Variants in MRNIP observed in about 807,000 individuals in gnomAD.
The protein encoded by MRNIP is MRN complex interacting protein.
A neutral mutation model predicts 29.8 loss-of-function variants in MRNIP; 30 were observed. The ratio of observed to expected loss-of-function variants is 1.01; its 90% CI spans 0.75 to 1.36. The LOEUF (loss-of-function observed/expected upper bound fraction) is 1.36, where lower values mean the gene tolerates loss of function less well. Ranked by LOEUF, MRNIP falls within the 40% of genes most tolerant of loss-of-function variation. The probability of loss-of-function intolerance (pLI) is 0.00; values close to 1 mark genes in which losing one functional copy is unlikely to be tolerated. For missense variants in MRNIP, 459 were observed against 423.5 expected, an observed-to-expected ratio of 1.08 and a Z score of -0.74; for synonymous variants, 201 against 164.1, an observed-to-expected ratio of 1.23 and a Z score of -1.72.
At position 179,858,147 on chromosome 5, in the gene MRNIP, C is replaced by T. The variant is rs1338376920; in HGVS notation, c.66+584G>A. 3.9e-5 allele frequency among the ~76,000 whole-genome samples: 6 copies of T among 152,186 alleles called. No homozygotes were observed. In the South Asian group the frequency reaches 8.3e-4, roughly 21 times the overall value. On this transcript the variant is annotated intron_variant, in intron 1 of 6. Transcript: ENST00000292586. ...TGTTAAGTGATATCAAGCAGGGAGA[C>T]AGGTGCGATCCGGAAAAGGTTAAGT...
Position 179,853,079 on chromosome 5 carries a change from C to T in MRNIP, c.126+299G>A, listed in dbSNP as rs1188469204. The T allele has an allele frequency of 1.1e-5, 6 of 569,886 alleles. No individual in the cohort carries two copies. In the Admixed American group the frequency reaches 1.5e-4, roughly 14 times the overall value. 35.3% of individuals were successfully genotyped at this position (569,886 alleles called of 1,614,324 possible). On this transcript the variant is annotated intron_variant, in intron 2 of 6. Coordinates refer to ENST00000292586, the MANE Select transcript of MRNIP (RefSeq NM_016175.4). ...CATTAGTTTCTCTTCCCCTTCCACA[C>T]AAGTGCATCTGTGAGGGCAAGAATG... is the stretch of plus-strand genomic sequence containing the variant.
intron 1 of MRNIP, among the ~76,000 whole-genome samples, chr5:179,855,254 C>T (rs1759526710): frequency 6.6e-6 from 1 of 152,142 alleles, no homozygotes; most frequent in Admixed American, 6.6e-5. Context: ...AAGAGATTCT[C>T]CTGCCTCAGT....
intron 1 of MRNIP, among the ~76,000 whole-genome samples, chr5:179,855,482 A>C (rs1229187755): frequency 1.3e-5 from 2 of 152,216 alleles, no homozygotes; most frequent in African/African-American, 2.4e-5. Context: ...ATGAGAAGCC[A>C]CTAAAACCAG....
intron 1 of MRNIP, among the ~76,000 whole-genome samples, chr5:179,854,109 C>T (rs1014753318): frequency 6.6e-6 from 1 of 151,280 alleles, no homozygotes; most frequent in Non-Finnish European, 1.5e-5. Context: ...CAAGCTCCCC[C>T]TCCCGGGTTC....
At chr5:179,857,770 T>C (rs1759656178) in intron 1 of MRNIP, among the ~76,000 whole-genome samples, 1 of 152,116 alleles carries the variant, frequency 6.6e-6, no homozygotes, top group African/African-American at 2.4e-5. Context: ...CCCAGCACTT[T>C]GGGAGGCCGA....
chr5:179,854,960 A>G (rs934502145), intron 1 of MRNIP, among the ~76,000 whole-genome samples: 1 of 152,012 alleles, frequency 6.6e-6, no homozygotes, highest in Non-Finnish European at 1.5e-5. Flanking sequence ...ATTATTTACC[A>G]TTTTTTTCTG....
intron 3 of MRNIP, chr5:179,847,755 A>C (rs1759194120): frequency 2.1e-6 from 1 of 480,766 alleles, no homozygotes; most frequent in Non-Finnish European, 3.7e-6. Flanking sequence ...ACAGGTAATC[A>C]GGTGAGAATC....
intron 1 of MRNIP, among the ~76,000 whole-genome samples, chr5:179,855,685 A>T (rs1222773127): frequency 6.6e-6 from 1 of 152,180 alleles, no homozygotes; most frequent in African/African-American, 2.4e-5. Context: ...CACCACAAAG[A>T]TGTCTAGGTT....
intron 1 of MRNIP, among the ~76,000 whole-genome samples, chr5:179,854,050 T>C (rs1055671050): frequency 7.3e-5 from 10 of 136,588 alleles, no homozygotes; most frequent in Non-Finnish European, 1.2e-4. Flanking sequence ...AGACAGAGTC[T>C]GGCTCTGCTG....
intron 3 of MRNIP, among the ~76,000 whole-genome samples, chr5:179,846,352 C>G (rs953459333): frequency 6.6e-6 from 1 of 151,640 alleles, no homozygotes; most frequent in Admixed American, 6.6e-5. Context: ...GGCACCACCT[C>G]GGAACACTGC....
At chr5:179,838,480 A>T (rs1758719315) in intron 6 of MRNIP, 1 of 155,860 alleles carries the variant, frequency 6.4e-6, no homozygotes, top group African/African-American at 2.4e-5. Context: ...GTTCGAGATC[A>T]ACCTGGCCAA....
In MRNIP at chr5:179,837,493, G is replaced by T; in HGVS notation, c.930C>A (p.Pro310=). 1 of 1,614,140 alleles carries T rather than the reference G, an allele frequency of 6.2e-7. No homozygotes were observed. Among genetic ancestry groups the T allele is most frequent in the South Asian group, 1.1e-5 (1 of 91,088 alleles). The change falls in exon 7 of 7, where the codon CCC becomes CCA. Residue 310 remains proline, a synonymous_variant. Coordinates refer to ENST00000292586, the MANE Select transcript of MRNIP (RefSeq NM_016175.4). The part of the protein sequence containing the change: ...CGKTSWDART[P]WAEGGPLVLE... ...GGACCAGGGGCCCACCCTCTGCCCAGGGAGTCCTTGCGTCCCATGAGGTCT... is the reference window on the plus strand; with the variant it reads ...GGACCAGGGGCCCACCCTCTGCCCATGGAGTCCTTGCGTCCCATGAGGTCT...
chr5:179,837,567 G>A lies in MRNIP; in HGVS notation c.856C>T (p.Pro286Ser), dbSNP rs777834009. The A allele has an allele frequency of 6.0e-5, 97 of 1,614,108 alleles. No homozygotes were observed. Among genetic ancestry groups the A allele is most frequent in the Non-Finnish European group, 7.9e-5 (93 of 1,180,016 alleles). Residue 286 changes from proline to serine, a missense_variant, in exon 7 of 7, where the codon CCT (proline) becomes TCT (serine). Physicochemically the swap from Pro to Ser is moderately conservative, Grantham distance 74 (BLOSUM62 -1). Transcript: ENST00000292586. ...GATGTGACGGGGTGTGTGGCCCGAG[G>A]AAGCTGGACAGCGGCAGTGGGCCTG... ...LSRPTAAVQL[P>S]RATHPVTSGS...
At chr5:179,856,210 A>G (rs1759572472) in intron 1 of MRNIP, among the ~76,000 whole-genome samples, 1 of 151,922 alleles carries the variant, frequency 6.6e-6, no homozygotes, top group African/African-American at 2.4e-5. Context: ...CCGGCCAAGA[A>G]AAGCCTTTTT....
chr5:179,847,200 T>C (rs1350282028), intron 3 of MRNIP: 6 of 137,432 alleles, frequency 4.4e-5, no homozygotes, highest in African/African-American at 1.6e-4. Flanking sequence ...GATAGTCTCG[T>C]TCTGTCGCCC....
At chr5:179,855,057 A>G (rs1759521113) in intron 1 of MRNIP, among the ~76,000 whole-genome samples, 1 of 152,258 alleles carries the variant, frequency 6.6e-6, no homozygotes, top group Non-Finnish European at 1.5e-5. Context: ...ATTTATAGAC[A>G]TAATTATAAT....
intron 1 of MRNIP, 38 bp from the exon 2 acceptor site, chr5:179,853,475 T>C: frequency 6.4e-7 from 1 of 1,558,528 alleles, no homozygotes; most frequent in Non-Finnish European, 8.8e-7. Flanking sequence ...CAGATAATTA[T>C]TTAAAACAAA....
rs1758675889 is a variant in MRNIP at position 179,837,832 on chromosome 5, C to T, written c.591G>A (p.Gln197=). 3.7e-6 allele frequency: 6 copies of T among 1,612,768 alleles called. No homozygotes were observed. The highest frequency in any genetic ancestry group is 5.1e-6 in the Non-Finnish European group (6 of 1,180,026). Residue 197 remains glutamine, a synonymous_variant, in exon 7 of 7, where the codon CAG becomes CAA. Transcript: ENST00000292586. ...KVKQGSSPCL[Q]ENSADCSAGE... ...CGGCACTGCAGTCTGCAGAGTTCTC[C>T]TGGAGGCAGGGGCTGCTGCCTTGTT...
At chr5:179,843,333 T>C (rs569392590) in intron 4 of MRNIP, among the ~76,000 whole-genome samples, 10 of 152,016 alleles carry the variant, frequency 6.6e-5, no homozygotes, top group African/African-American at 1.9e-4. Flanking sequence ...AACTCAAAAC[T>C]AGGATGCAAA....
Sources: gnomAD v4.1 joint callset for allele counts (sites outside exome capture counted in the v4.1 genomes callset) on GRCh38, gnomAD v4.1.1 for gene constraint, MANE v1.5 for transcripts, NCBI Gene and HGNC (gene_info 2026-07-23, HGNC 2026-07-21) for gene names.